The following TRDN variants were observed in gnomAD, a reference collection of about 807,000 sequenced individuals.
TRDN encodes the protein triadin in skeletal muscle.
A neutral mutation model predicts 149.7 loss-of-function variants in TRDN; 161 were observed. That is an observed-to-expected ratio of 1.08 (90% CI 0.95 to 1.23). TRDN has a LOEUF of 1.23. TRDN is among the 50% of genes most tolerant of loss of function. The probability of loss-of-function intolerance (pLI) is 0.00; values close to 1 mark genes in which losing one functional copy is unlikely to be tolerated. For missense variants in TRDN, 896 were observed against 823.5 expected, an observed-to-expected ratio of 1.09 and a Z score of -1.08; for synonymous variants, 294 against 250.5, an observed-to-expected ratio of 1.17 and a Z score of -1.64.
chr6:123,492,113 G>T (rs1038258931), intron 9 of TRDN, among the ~76,000 whole-genome samples: 2 of 152,100 alleles, frequency 1.3e-5, no homozygotes, highest in African/African-American at 2.4e-5. Context: ...GGCTGCCAAA[G>T]AATGCCTTAT....
Position 123,500,070 on chromosome 6 carries a change from T to C in TRDN, c.794-2818A>G, listed in dbSNP as rs1037697833. Among the ~76,000 whole-genome samples the C allele has an allele frequency of 1.6e-4, 24 of 152,168 alleles. 1 individual carries two copies. Among genetic ancestry groups the C allele is most frequent in the African/African-American group, 5.1e-4 (21 of 41,576 alleles). On this transcript the variant is annotated intron_variant, in intron 8 of 40. Transcript: ENST00000334268. ...ATTTCCTAGATCCAAAAATCATTCA[T>C]TTAATTAATACACCAACAGCCCAAT...
intron 12 of TRDN, among the ~76,000 whole-genome samples, chr6:123,407,362 T>A (rs1490111035): frequency 9.9e-5 from 15 of 152,222 alleles, no homozygotes; most frequent in Non-Finnish European, 1.5e-5. Context: ...CTTTTCTCTT[T>A]TTCTTCACAG....
chr6:123,537,314 T>G (rs1780599690), intron 4 of TRDN, among the ~76,000 whole-genome samples: 2 of 152,188 alleles, frequency 1.3e-5, no homozygotes, highest in African/African-American at 4.8e-5. Flanking sequence ...TCTCTATATT[T>G]ATGGTATTCT....
chr6:123,281,022 T>C (rs1777567901), intron 24 of TRDN, among the ~76,000 whole-genome samples: 1 of 152,054 alleles, frequency 6.6e-6, no homozygotes. Flanking sequence ...TAGAAAAATA[T>C]ATAAATTTAG....
intron 22 of TRDN, 78 bp downstream of exon 22, chr6:123,337,541 T>G: frequency 1.7e-6 from 1 of 587,002 alleles, no homozygotes; most frequent in Non-Finnish European, 2.6e-6. Flanking sequence ...GCAAAGGGGA[T>G]GCAGCTAATG....
At chr6:123,474,474 A>G (rs1034714449) in intron 9 of TRDN, among the ~76,000 whole-genome samples, 7 of 152,080 alleles carry the variant, frequency 4.6e-5, no homozygotes, top group Non-Finnish European at 7.4e-5. Flanking sequence ...CACATTAATA[A>G]TGGGAGACTT....
intron 1 of TRDN, among the ~76,000 whole-genome samples, chr6:123,610,124 C>T (rs929329937): frequency 6.6e-6 from 1 of 152,106 alleles, no homozygotes; most frequent in Admixed American, 6.6e-5. Flanking sequence ...TTCTTGCATG[C>T]AATAGCTATT....
chr6:123,565,044 T>C lies in TRDN; in HGVS notation c.232+5879A>G, dbSNP rs999705925. Among the ~76,000 whole-genome samples the C allele has an allele frequency of 1.6e-4, 25 of 152,216 alleles. 1 individual carries two copies. The highest frequency in any genetic ancestry group is 4.4e-5 in the Non-Finnish European group (3 of 68,042). Reference sequence around the variant, plus strand: ...CCACTAATGCCTTAGTTTGTAGTCATTTCTTTATAAATCCTATTTGTTTGC... The same window carrying C: ...CCACTAATGCCTTAGTTTGTAGTCACTTCTTTATAAATCCTATTTGTTTGC... On this transcript the variant is annotated intron_variant, in intron 2 of 40. Transcript: ENST00000334268.
intron 1 of TRDN, among the ~76,000 whole-genome samples, chr6:123,582,932 T>C (rs979741025): frequency 6.6e-6 from 1 of 151,942 alleles, no homozygotes; most frequent in Non-Finnish European, 1.5e-5. Flanking sequence ...GGGGTGATAT[T>C]GTGGGGTTGT....
At chr6:123,331,771 C>A in intron 23 of TRDN, 108 bp downstream of exon 23, 1 of 640,836 alleles carries the variant, frequency 1.6e-6, no homozygotes, top group South Asian at 3.3e-5. Flanking sequence ...CATATGAAGG[C>A]TATGGTTTTG....
chr6:123,523,402 G>A (rs1033193840), intron 5 of TRDN, among the ~76,000 whole-genome samples: 1 of 152,092 alleles, frequency 6.6e-6, no homozygotes, highest in Non-Finnish European at 1.5e-5. Context: ...TGGTAAGGAG[G>A]TAGCAGAACA....
intron 38 of TRDN, among the ~76,000 whole-genome samples, chr6:123,251,542 T>G (rs1776372694): frequency 6.6e-6 from 1 of 151,880 alleles, no homozygotes; most frequent in South Asian, 2.1e-4. Flanking sequence ...GTTTTGTCTT[T>G]TAATGTGTCA....
intron 4 of TRDN, among the ~76,000 whole-genome samples, chr6:123,534,725 T>C (rs967173540): frequency 1.3e-5 from 2 of 152,196 alleles, no homozygotes; most frequent in Admixed American, 6.6e-5. Context: ...AAGTTTTCTA[T>C]ATTATGTTAA....
In TRDN at chr6:123,614,311, AAAAC is replaced by A. The variant is rs1404656974; in HGVS notation, c.22+22439_22+22442del. 1.6e-3 allele frequency among the ~76,000 whole-genome samples: 233 copies of A among 146,778 alleles called. 2 individuals carry two copies. Among genetic ancestry groups the A allele is most frequent in the African/African-American group, 5.2e-3 (199 of 38,192 alleles). ...ATTAAAAAAAAAAACAAAAAAAAAA[AAAAC>A]AAAAAAAACCCTCAAATTGACCATT... is the stretch of plus-strand genomic sequence containing the variant. On this transcript the variant is annotated intron_variant, in intron 1 of 40. Coordinates refer to ENST00000334268, the MANE Select transcript of TRDN (RefSeq NM_006073.4).
rs565469156 is a variant in TRDN at position 123,268,200 on chromosome 6, C to A, written c.1739-449G>T. 8.5e-5 allele frequency among the ~76,000 whole-genome samples: 13 copies of A among 152,094 alleles called. No homozygotes were observed. The South Asian group carries it at 2.7e-3, about 32-fold the overall frequency. ...GTTAGAAGCAATGCACTGCTGAACA[C>A]TAGTTTCTTATTGAAAATTTAAACT... On this transcript the variant is annotated intron_variant, in intron 31 of 40. Transcript: ENST00000334268.
At chr6:123,535,343 T>A (rs567385802) in intron 4 of TRDN, among the ~76,000 whole-genome samples, 1 of 152,240 alleles carries the variant, frequency 6.6e-6, no homozygotes, top group South Asian at 2.1e-4. Context: ...AAGGGCAAAT[T>A]AATTTCAAAG....
intron 8 of TRDN, chr6:123,502,175 T>C (rs990484417): frequency 1.0e-6 from 1 of 984,080 alleles, no homozygotes; most frequent in Non-Finnish European, 1.2e-6. Flanking sequence ...TTTCAGGATC[T>C]AAGTAATCAT....
At chr6:123,289,126 T>C (rs987098512) in intron 24 of TRDN, among the ~76,000 whole-genome samples, 7 of 147,206 alleles carry the variant, frequency 4.8e-5, no homozygotes, top group African/African-American at 7.4e-5. Context: ...AGTGTATATA[T>C]ATAAAATATG....
At chr6:123,405,869 G>C (rs541276010) in intron 12 of TRDN, among the ~76,000 whole-genome samples, 24 of 152,180 alleles carry the variant, frequency 1.6e-4, no homozygotes, top group Middle Eastern at 3.4e-3. Flanking sequence ...ACACTCATTA[G>C]ATTACTTACA....
Sources: allele counts gnomAD v4.1 joint callset (sites outside exome capture counted in the v4.1 genomes callset), GRCh38; gene constraint gnomAD v4.1.1; transcripts MANE v1.5; gene names NCBI Gene and HGNC (gene_info 2026-07-23, HGNC 2026-07-21).